The following TBC1D20 variants were observed in gnomAD, a reference collection of about 807,000 sequenced individuals.
TBC1D20 encodes chromosome 20 open reading frame 140.
A neutral mutation model predicts 41.6 loss-of-function variants in TBC1D20; 12 were observed. That is an observed-to-expected ratio of 0.29 (90% CI 0.18 to 0.47). The LOEUF is 0.47. Ranked by LOEUF, TBC1D20 falls within the 20% of genes least tolerant of loss-of-function variation. TBC1D20 has a pLI of 1.00. For missense variants in TBC1D20, 421 were observed against 517.4 expected, an observed-to-expected ratio of 0.81 and a Z score of 1.81; for synonymous variants, 205 against 204.8, an observed-to-expected ratio of 1.00 and a Z score of -0.01.
Position 454,650 on chromosome 20 carries a change from CATTATT to C in TBC1D20, c.71-6582_71-6577del, listed in dbSNP as rs11471553. Among the ~76,000 whole-genome samples the C allele has an allele frequency of 1.2e-4, 18 of 149,582 alleles. No individual in the cohort carries two copies. In the East Asian group the frequency reaches 2.3e-3, roughly 19 times the overall value. On this transcript the variant is annotated intron_variant, in intron 1 of 7. Coordinates refer to ENST00000354200, the MANE Select transcript of TBC1D20 (RefSeq NM_144628.4). ...AAACTGTTTCTATGACAAAGCTGTACATTATTATTATTATTATTATTATTTTATTTT... is the reference window on the plus strand; with the variant it reads ...AAACTGTTTCTATGACAAAGCTGTACATTATTATTATTATTATTTTATTTT...
chr20:446,410 G>A (rs1333762246), intron 2 of TBC1D20, among the ~76,000 whole-genome samples: 2 of 151,522 alleles, frequency 1.3e-5, no homozygotes, highest in Non-Finnish European at 2.9e-5. Flanking sequence ...GCGCAATCTC[G>A]GCTCATTGCA....
chr20:453,916 C>T (rs1209033156), intron 1 of TBC1D20, among the ~76,000 whole-genome samples: 1 of 145,686 alleles, frequency 6.9e-6, no homozygotes, highest in Non-Finnish European at 1.5e-5. Context: ...ACGAGCCTGG[C>T]CAACATGGTG....
chr20:453,995 G>A (rs8121061), intron 1 of TBC1D20, among the ~76,000 whole-genome samples: 57,361 of 147,610 alleles, frequency 0.39, 13,440 homozygotes, highest in Middle Eastern at 0.47. Context: ...AATTCCAGCA[G>A]TTTGGGAGGC....
At chr20:455,843 A>C (rs903551415) in intron 1 of TBC1D20, among the ~76,000 whole-genome samples, 1 of 152,034 alleles carries the variant, frequency 6.6e-6, no homozygotes, top group Non-Finnish European at 1.5e-5. Context: ...GAGGCAGGAG[A>C]ATCACTTGAA....
chr20:440,127 C>G, intron 6 of TBC1D20, 121 bp downstream of exon 6: 5 of 1,322,844 alleles, frequency 3.8e-6, no homozygotes, highest in Non-Finnish European at 5.2e-6. Context: ...TCCAGGGACA[C>G]CAGCCTGGGA....
chr20:441,475 C>A lies in TBC1D20; in HGVS notation c.626+113G>T, dbSNP rs1277586918. 3.2e-6 allele frequency: 3 copies of A among 927,094 alleles called. No individual in the cohort carries two copies. The African/African-American group carries it at 4.9e-5, about 15-fold the overall frequency. 57.4% of individuals were successfully genotyped at this position (927,094 alleles called of 1,614,324 possible). Reference sequence around the variant, plus strand: ...ACTGGAACAACTGGGGAGAACTTAACAAATCCACCCAAGACAATGAGGAAA... The same window carrying A: ...ACTGGAACAACTGGGGAGAACTTAAAAAATCCACCCAAGACAATGAGGAAA... On this transcript the variant is annotated intron_variant, in intron 5 of 7. Transcript: ENST00000354200.
chr20:444,520 A>T (rs1243764311), intron 3 of TBC1D20, among the ~76,000 whole-genome samples: 1 of 152,176 alleles, frequency 6.6e-6, no homozygotes. Flanking sequence ...TCTTCCTGAA[A>T]TAAAGAGGTA....
chr20:438,767 C>T lies in TBC1D20; in HGVS notation c.1031G>A (p.Arg344Gln), dbSNP rs1381365080. Reference sequence around the variant, plus strand: ...TTCAGGCCGCAGAAGTCCCCGAAACCGCTGCCGCAGCACCATATCAGGCCT... The same window carrying T: ...TTCAGGCCGCAGAAGTCCCCGAAACTGCTGCCGCAGCACCATATCAGGCCT... ...QQRPDMVLRQ[R>Q]FRGLLRPEDR... The change falls in exon 8 of 8, where the codon CGG becomes CAG. Residue 344 changes from arginine (R) to glutamine (Q), a missense_variant. This residue lies in a region of TBC1D20 where 161 missense variants were observed against 182.7 expected (regional missense o/e 0.88). Transcript: ENST00000354200. 1 of 1,614,104 alleles carries T rather than the reference C, an allele frequency of 6.2e-7. No homozygotes were observed. Among genetic ancestry groups the T allele is most frequent in the Non-Finnish European group, 8.5e-7 (1 of 1,180,054 alleles).
Position 445,087 on chromosome 20 carries a change from C to A in TBC1D20, c.300G>T (p.Leu100Phe). 6.2e-7 allele frequency: 1 copy of A among 1,606,082 alleles called. No individual in the cohort carries two copies. Among genetic ancestry groups the A allele is most frequent in the Non-Finnish European group, 8.5e-7 (1 of 1,175,250 alleles). The change falls in exon 3 of 8, where the codon TTG becomes TTT. Residue 100 changes from leucine (L) to phenylalanine (F), a missense_variant. Coordinates refer to ENST00000354200, the MANE Select transcript of TBC1D20 (RefSeq NM_144628.4). ...RQMSKDYQQV[L>F]LDVRRSLRRF... ...GCCGCAATGACCGCCGGACGTCCAG[C>A]AACACTTGTTGGTAGTCCTTGCTCA...
intron 1 of TBC1D20, among the ~76,000 whole-genome samples, chr20:456,799 C>T (rs975731040): frequency 6.6e-6 from 1 of 151,918 alleles, no homozygotes; most frequent in East Asian, 1.9e-4. Context: ...ATCCTGATCT[C>T]AGGTGATCTG....
chr20:455,096 C>G (rs528059296), intron 1 of TBC1D20, among the ~76,000 whole-genome samples: 1 of 152,140 alleles, frequency 6.6e-6, no homozygotes, highest in Non-Finnish European at 1.5e-5. Context: ...ATTGGAAGTG[C>G]GACAGAAAGA....
At chr20:447,306 C>A (rs1418132287) in intron 2 of TBC1D20, among the ~76,000 whole-genome samples, 1 of 151,544 alleles carries the variant, frequency 6.6e-6, no homozygotes, top group Non-Finnish European at 1.5e-5. Context: ...GTATGCAGAA[C>A]AAAGCATATG....
Position 453,540 on chromosome 20 carries a change from A to ATTTTT in TBC1D20, c.71-5471_71-5467dup, listed in dbSNP as rs1157479385. 5.9e-3 allele frequency among the ~76,000 whole-genome samples: 623 copies of ATTTTT among 105,752 alleles called. 45 individuals are homozygous for ATTTTT. Among genetic ancestry groups the ATTTTT allele is most frequent in the African/African-American group, 0.023 (598 of 25,452 alleles). The allele number at this position is 105,752 out of a possible 152,430, so 69.4% of individuals were successfully genotyped here. On this transcript the variant is annotated intron_variant, in intron 1 of 7. Transcript: ENST00000354200. ...CGGTGGCTCGTGCCTGTAATCCAGC[A>ATTTTT]TTTTTTTTTTTTTTTTTTTTTTTGA... is the stretch of plus-strand genomic sequence containing the variant.
chr20:450,510 C>T (rs528664666), intron 1 of TBC1D20, among the ~76,000 whole-genome samples: 37 of 152,244 alleles, frequency 2.4e-4, no homozygotes, highest in Admixed American at 7.2e-4. Context: ...GCTGGTGACA[C>T]TGCCACCAGA....
At chr20:455,634 AAAAAT>A (rs1305305310) in intron 1 of TBC1D20, among the ~76,000 whole-genome samples, 2 of 151,272 alleles carry the variant, frequency 1.3e-5, no homozygotes, top group Admixed American at 6.6e-5. Context: ...TAAATAAATA[AAAAAT>A]AAAATAAAAT....
At chr20:446,694 T>C (rs2017338908) in intron 2 of TBC1D20, among the ~76,000 whole-genome samples, 1 of 152,066 alleles carries the variant, frequency 6.6e-6, no homozygotes, top group Non-Finnish European at 1.5e-5. Context: ...AGAGATTGGA[T>C]CTTGCCATGT....
intron 1 of TBC1D20, among the ~76,000 whole-genome samples, chr20:451,537 G>C (rs953370810): frequency 3.3e-5 from 5 of 152,172 alleles, no homozygotes; most frequent in African/African-American, 1.2e-4. Context: ...GTCAGAGCAA[G>C]ACTCTGTCTC....
chr20:455,710 A>G (rs1302059879), intron 1 of TBC1D20, among the ~76,000 whole-genome samples: 1 of 152,084 alleles, frequency 6.6e-6, no homozygotes, highest in Non-Finnish European at 1.5e-5. Context: ...AGGCGAGCGG[A>G]TCACCTGAGG....
At chr20:448,689 GAAA>G (rs557901716) in intron 1 of TBC1D20, among the ~76,000 whole-genome samples, 3 of 98,400 alleles carry the variant, frequency 3.0e-5, no homozygotes, top group Non-Finnish European at 2.1e-5. Flanking sequence ...ACTCCGTCTT[GAAA>G]AAAAAAAAAA....
Sources: allele counts gnomAD v4.1 joint callset (sites outside exome capture counted in the v4.1 genomes callset), GRCh38; gene constraint gnomAD v4.1.1; regional missense constraint gnomAD v4.1.1; transcripts MANE v1.5; gene names NCBI Gene and HGNC (gene_info 2026-07-23, HGNC 2026-07-21).